NEGR1: variants seen among roughly 807,000 people sequenced by gnomAD.
NEGR1 encodes IgLON family member 4.
Under a neutral mutation model 40.9 loss-of-function variants are expected in NEGR1, and 10 were observed. The ratio of observed to expected loss-of-function variants is 0.24; its 90% CI spans 0.15 to 0.42. The LOEUF is 0.42. Ranked by LOEUF, NEGR1 falls within the 10% of genes least tolerant of loss-of-function variation. The pLI is 1.00. For missense variants in NEGR1, 352 were observed against 438.9 expected (o/e 0.80, Z 1.77); for synonymous variants, 185 against 166.8 (o/e 1.11, Z -0.84).
intron 1 of NEGR1, among the ~76,000 whole-genome samples, chr1:72,228,097 C>T (rs1020605594): frequency 6.6e-6 from 1 of 152,092 alleles, no homozygotes; most frequent in African/African-American, 2.4e-5. Context: ...AGGAAAGCCT[C>T]CCGCTGAGCC....
chr1:72,231,757 T>C (rs1261956695), intron 1 of NEGR1, among the ~76,000 whole-genome samples: 2 of 152,166 alleles, frequency 1.3e-5, no homozygotes. Context: ...TTTCCGAGTG[T>C]AGATGGTGCT....
intron 1 of NEGR1, among the ~76,000 whole-genome samples, chr1:72,162,022 A>G (rs571091260): frequency 6.6e-6 from 1 of 152,066 alleles, no homozygotes; most frequent in South Asian, 2.1e-4. Context: ...CATTCAACCA[A>G]TGCTAAAAGT....
In NEGR1 at chr1:71,834,588, C is replaced by G. The variant is rs1374171372; in HGVS notation, c.410-58291G>C. On this transcript the variant is annotated intron_variant, in intron 2 of 6. Coordinates refer to ENST00000357731, the MANE Select transcript of NEGR1 (RefSeq NM_173808.3). ...TATTATACTTTCAGAATCAGAGTGA[C>G]TTATACAACTGGCTTTCCTGGGCCC... 2.0e-5 allele frequency among the ~76,000 whole-genome samples: 3 copies of G among 151,844 alleles called. No individual in the cohort carries two copies. The East Asian group carries it at 5.8e-4, about 29-fold the overall frequency.
intron 6 of NEGR1, among the ~76,000 whole-genome samples, chr1:71,507,606 G>T (rs2101410890): frequency 6.6e-6 from 1 of 152,274 alleles, no homozygotes; most frequent in Non-Finnish European, 1.5e-5. Context: ...AAATTTCACA[G>T]AAATGCCCAA....
chr1:71,507,701 C>T (rs1427609580), intron 6 of NEGR1, among the ~76,000 whole-genome samples: 1 of 152,136 alleles, frequency 6.6e-6, no homozygotes, highest in Admixed American at 6.5e-5. Context: ...CAGACTGTAC[C>T]TAGATTTGGC....
chr1:71,499,362 A>C (rs2101398194), intron 6 of NEGR1, among the ~76,000 whole-genome samples: 1 of 151,350 alleles, frequency 6.6e-6, no homozygotes, highest in Admixed American at 6.6e-5. Context: ...GAGAAGGCAA[A>C]GATGTACCAT....
At chr1:71,925,718 C>A (rs1273764634) in intron 2 of NEGR1, among the ~76,000 whole-genome samples, 2 of 123,118 alleles carry the variant, frequency 1.6e-5, no homozygotes, top group African/African-American at 3.5e-5. Context: ...TAATTATATA[C>A]ATGATTTGGG....
intron 1 of NEGR1, among the ~76,000 whole-genome samples, chr1:72,255,398 T>C (rs990407914): frequency 1.6e-4 from 24 of 152,154 alleles, no homozygotes; most frequent in African/African-American, 5.8e-4. Context: ...AGTTGTTGAA[T>C]AGATATTTAC....
chr1:71,511,465 C>G (rs973324750), intron 6 of NEGR1, among the ~76,000 whole-genome samples: 1 of 152,130 alleles, frequency 6.6e-6, no homozygotes, highest in Non-Finnish European at 1.5e-5. Context: ...TCTTCTAAAG[C>G]CTTTGTTTCA....
Position 71,792,224 on chromosome 1 carries a change from C to T in NEGR1, c.410-15927G>A, listed in dbSNP as rs1045332411. On this transcript the variant is annotated intron_variant, in intron 2 of 6. Transcript: ENST00000357731. The stretch of plus-strand genomic sequence containing the variant: ...TTTGTGGGAGGGAAAAAAGAGACTA[C>T]TGTTTGCTATTTGAAAACTCCATGG... Among the ~76,000 whole-genome samples, 4 of 152,106 alleles carry T rather than the reference C, an allele frequency of 2.6e-5. No individual in the cohort carries two copies. In the South Asian group the frequency reaches 6.2e-4, roughly 24 times the overall value.
chr1:71,443,149 A>G (rs561178271), intron 6 of NEGR1, among the ~76,000 whole-genome samples: 1 of 152,238 alleles, frequency 6.6e-6, no homozygotes, highest in African/African-American at 2.4e-5. Flanking sequence ...TAAACATTAT[A>G]CTTATTTATG....
intron 1 of NEGR1, among the ~76,000 whole-genome samples, chr1:72,129,205 C>T (rs1450771617): frequency 6.6e-6 from 1 of 152,246 alleles, no homozygotes; most frequent in South Asian, 2.1e-4. Flanking sequence ...TGTTACTCTA[C>T]AGAACCCTGA....
chr1:71,884,850 T>C (rs192743888), intron 2 of NEGR1, among the ~76,000 whole-genome samples: 1 of 152,350 alleles, frequency 6.6e-6, no homozygotes, highest in African/African-American at 2.4e-5. Context: ...GTACTTGTTT[T>C]TGATCTTATT....
intron 2 of NEGR1, among the ~76,000 whole-genome samples, chr1:71,887,821 A>AAT (rs563932872): frequency 1.3e-5 from 2 of 152,146 alleles, no homozygotes; most frequent in Non-Finnish European, 2.9e-5. Context: ...AAGGATAAGC[A>AAT]ATATATATTC....
chr1:72,114,679 C>T (rs540493010), intron 1 of NEGR1, among the ~76,000 whole-genome samples: 7 of 151,764 alleles, frequency 4.6e-5, no homozygotes, highest in South Asian at 4.1e-4. Flanking sequence ...TTTTCACTTC[C>T]TTGTAATATT....
At chr1:71,580,275 G>A (rs538565106) in intron 6 of NEGR1, among the ~76,000 whole-genome samples, 1 of 150,588 alleles carries the variant, frequency 6.6e-6, no homozygotes, top group East Asian at 2.0e-4. Context: ...CATGGACACA[G>A]GAAGGGGAAC....
intron 1 of NEGR1, among the ~76,000 whole-genome samples, chr1:72,264,746 C>T (rs1459353298): frequency 1.3e-5 from 2 of 150,738 alleles, no homozygotes; most frequent in South Asian, 2.1e-4. Flanking sequence ...CCCCTACTAA[C>T]TCGTACAAAA....
chr1:71,874,080 G>A (rs1660357612), intron 2 of NEGR1, among the ~76,000 whole-genome samples: 1 of 152,118 alleles, frequency 6.6e-6, no homozygotes, highest in Non-Finnish European at 1.5e-5. Flanking sequence ...CTGTGTTCAA[G>A]TATCCTAATA....
chr1:71,954,420 C>T (rs775292559), intron 1 of NEGR1, among the ~76,000 whole-genome samples: 8 of 151,666 alleles, frequency 5.3e-5, no homozygotes, highest in Non-Finnish European at 1.0e-4. Flanking sequence ...AGGAGAAAGG[C>T]TTTTTTGATC....
Sources: gnomAD v4.1 joint callset for allele counts (sites outside exome capture counted in the v4.1 genomes callset) on GRCh38, gnomAD v4.1.1 for gene constraint, MANE v1.5 for transcripts, NCBI Gene and HGNC (gene_info 2026-07-23, HGNC 2026-07-21) for gene names.